Variants in KCTD7 observed in about 807,000 individuals in gnomAD.
KCTD7 encodes BTB/POZ domain-containing protein KCTD7.
KCTD7 carries 15 observed loss-of-function variants against 27.0 expected under a neutral mutation model. The observed-to-expected ratio is 0.56, with a 90% CI of 0.37 to 0.86. The LOEUF is 0.86. KCTD7 is among the 40% of genes least tolerant of loss of function. The pLI is 0.00. For missense variants in KCTD7, 299 were observed against 398.9 expected, an observed-to-expected ratio of 0.75 and a Z score of 2.13; for synonymous variants, 159 against 162.7, an observed-to-expected ratio of 0.98 and a Z score of 0.17.
At position 66,641,558 on chromosome 7, in the gene KCTD7, C is replaced by G. The variant is rs529429431; in HGVS notation, c.*2326C>G. ...GGGATGCTGGGTAAGAACACCGTTCCTCTCTCTCGCTGGAGAAATCCCTGT... is the reference window on the plus strand; with the variant it reads ...GGGATGCTGGGTAAGAACACCGTTCGTCTCTCTCGCTGGAGAAATCCCTGT... On this transcript the variant is annotated 3_prime_UTR_variant, in exon 4 of 4. Transcript: ENST00000639828. 2.0e-6 allele frequency: 2 copies of G among 985,422 alleles called. No individual in the cohort carries two copies. Among genetic ancestry groups the G allele is most frequent in the East Asian group, 2.3e-4 (2 of 8,812 alleles). 61.0% of individuals were successfully genotyped at this position (985,422 alleles called of 1,614,324 possible).
At chr7:66,635,877 C>T (rs1310380130) in intron 2 of KCTD7, among the ~76,000 whole-genome samples, 1 of 151,846 alleles carries the variant, frequency 6.6e-6, no homozygotes, top group Non-Finnish European at 1.5e-5. Flanking sequence ...CTTAGCTGGG[C>T]CTTGCCCCAG....
At chr7:66,638,139 T>C in intron 2 of KCTD7, 114 bp from the exon 3 acceptor site, 1 of 1,067,752 alleles carries the variant, frequency 9.4e-7, no homozygotes, top group Non-Finnish European at 1.5e-6. Context: ...TAAGTTCATT[T>C]ACCCAGTGTA....
At chr7:66,631,293 T>G (rs1175026904) in intron 1 of KCTD7, among the ~76,000 whole-genome samples, 3 of 152,110 alleles carry the variant, frequency 2.0e-5, no homozygotes, top group African/African-American at 7.2e-5. Context: ...GATGTAATAT[T>G]GAAAAGGATG....
rs368018261 is a variant in KCTD7 at position 66,633,311 on chromosome 7, C to T, written c.181C>T (p.His61Tyr). ...TGTTCCCCTTAACATCGGAGGGGCT[C>T]ACTTCACTACACGCCTGTCCACACT... is the stretch of plus-strand genomic sequence containing the variant. ...EVVPLNIGGA[H>Y]FTTRLSTLRC... Residue 61 changes from histidine to tyrosine, a missense_variant, in exon 2 of 4, where the codon CAC (histidine) becomes TAC (tyrosine). His to Tyr is a moderately conservative substitution (Grantham distance 83, BLOSUM62 2). Coordinates refer to ENST00000639828, the MANE Select transcript of KCTD7 (RefSeq NM_153033.5). 6.2e-6 allele frequency: 10 copies of T among 1,613,762 alleles called. No homozygotes were observed. Among genetic ancestry groups the T allele is most frequent in the Admixed American group, 1.7e-5 (1 of 59,980 alleles).
Position 66,642,357 on chromosome 7 carries a change from G to T in KCTD7, c.*3125G>T. On this transcript the variant is annotated 3_prime_UTR_variant, in exon 4 of 4. Coordinates refer to ENST00000639828, the MANE Select transcript of KCTD7 (RefSeq NM_153033.5). ...TCTGTTCTTCTTTCCTGGGGCTTAG[G>T]ATATTCTGGGAGCTGTCTGAGCCTT... is the stretch of plus-strand genomic sequence containing the variant. 1 of 985,416 alleles carries T rather than the reference G, an allele frequency of 1.0e-6. No homozygotes were observed. The highest frequency in any genetic ancestry group is 1.2e-6 in the Non-Finnish European group (1 of 829,940). 61.0% of individuals were successfully genotyped at this position (985,416 alleles called of 1,614,324 possible). A position where few individuals can be genotyped will look rare whatever the true frequency, so the allele number is the denominator to read the frequency against.
At chr7:66,636,904 G>A (rs1259007382) in intron 2 of KCTD7, among the ~76,000 whole-genome samples, 2 of 152,190 alleles carry the variant, frequency 1.3e-5, no homozygotes, top group African/African-American at 4.8e-5. Context: ...CATTTTACCT[G>A]CTCTGCATAG....
intron 3 of KCTD7, 142 bp from the exon 4 acceptor site, chr7:66,638,714 A>C: frequency 9.5e-7 from 1 of 1,049,328 alleles, no homozygotes; most frequent in Non-Finnish European, 1.4e-6. Flanking sequence ...TGTGCCCTTC[A>C]TTGGCCCCCT....
chr7:66,638,634 A>G, intron 3 of KCTD7: 1 of 772,302 alleles, frequency 1.3e-6, no homozygotes, highest in Non-Finnish European at 2.1e-6. Flanking sequence ...AGCAAATTGT[A>G]TTTCAGAAGG....
rs1293735992 is a variant in KCTD7 at position 66,641,860 on chromosome 7, T to G, written c.*2628T>G. ...AAGTGACTTTTCCCCATTTGATCCC[T>G]TTTCAACTCTAAATGGCCAGGCCCA... On this transcript the variant is annotated 3_prime_UTR_variant, in exon 4 of 4. Transcript: ENST00000639828. 1 of 985,354 alleles carries G rather than the reference T, an allele frequency of 1.0e-6. No individual in the cohort carries two copies. The highest frequency in any genetic ancestry group is 1.1e-4 in the East Asian group (1 of 8,824). 61.0% of individuals were successfully genotyped at this position (985,354 alleles called of 1,614,324 possible).
In KCTD7 at chr7:66,628,939, C is replaced by T. The variant is rs1440331025; in HGVS notation, c.-126C>T. On this transcript the variant is annotated 5_prime_UTR_variant, in exon 1 of 4. Transcript: ENST00000639828. ...CACCGCCCTCCCGCCTGCGCACTGC[C>T]TCTCGCCCCCCTCCGGCCAGCCCGC... 7.1e-6 allele frequency: 7 copies of T among 983,418 alleles called. No individual in the cohort carries two copies. The highest frequency in any genetic ancestry group is 4.1e-5 in the Admixed American group (1 of 24,208). The allele number at this position is 983,418 out of a possible 1,614,324, so 60.9% of individuals were successfully genotyped here. A position where few individuals can be genotyped will look rare whatever the true frequency, so the allele number is the denominator to read the frequency against.
rs1052412405 is a variant in KCTD7 at position 66,628,968 on chromosome 7, C to T, written c.-97C>T. ...CGCCCCCCTCCGGCCAGCCCGCAGCCGGCCGCGTCATGCCAGGCGCTGCTC... is the reference window on the plus strand; with the variant it reads ...CGCCCCCCTCCGGCCAGCCCGCAGCTGGCCGCGTCATGCCAGGCGCTGCTC... On this transcript the variant is annotated 5_prime_UTR_variant, in exon 1 of 4. Coordinates refer to ENST00000639828, the MANE Select transcript of KCTD7 (RefSeq NM_153033.5). 7.8e-6 allele frequency: 10 copies of T among 1,283,950 alleles called. No individual in the cohort carries two copies. In the Admixed American group the frequency reaches 2.5e-4, roughly 33 times the overall value. The allele number at this position is 1,283,950 out of a possible 1,614,324, so 79.5% of individuals were successfully genotyped here.
chr7:66,632,816 G>A (rs1487277181), intron 1 of KCTD7, among the ~76,000 whole-genome samples: 1 of 152,000 alleles, frequency 6.6e-6, no homozygotes, highest in African/African-American at 2.4e-5. Context: ...GGCCGAGGCA[G>A]GTGGATCATG....
rs1786713909 is a variant in KCTD7 at position 66,641,421 on chromosome 7, G to C, written c.*2189G>C. 1.0e-6 allele frequency: 1 copy of C among 985,288 alleles called. No individual in the cohort carries two copies. The highest frequency in any genetic ancestry group is 1.2e-6 in the Non-Finnish European group (1 of 829,940). 61.0% of individuals were successfully genotyped at this position (985,288 alleles called of 1,614,324 possible). A position where few individuals can be genotyped will look rare whatever the true frequency, so the allele number is the denominator to read the frequency against. ...TTCTGCTTCCCCCTTCTCCCATGGA[G>C]CATGGCAGGGCTTGGTTATTTAGAG... On this transcript the variant is annotated 3_prime_UTR_variant, in exon 4 of 4. Coordinates refer to ENST00000639828, the MANE Select transcript of KCTD7 (RefSeq NM_153033.5).
Position 66,640,342 on chromosome 7 carries a change from T to A in KCTD7, c.*1110T>A. 1 of 1,536,154 alleles carries A rather than the reference T, an allele frequency of 6.5e-7. No homozygotes were observed. Among genetic ancestry groups the A allele is most frequent in the Non-Finnish European group, 8.7e-7 (1 of 1,146,548 alleles). The stretch of plus-strand genomic sequence containing the variant: ...TTGTTTTACTCACTTCTTTATATTT[T>A]GTTTTACTCCTCACTCCTGTATATT... On this transcript the variant is annotated 3_prime_UTR_variant, in exon 4 of 4. Coordinates refer to ENST00000639828, the MANE Select transcript of KCTD7 (RefSeq NM_153033.5).
In KCTD7 at chr7:66,639,835, C is replaced by T; in HGVS notation, c.*603C>T. The T allele has an allele frequency of 1.6e-6, 2 of 1,248,480 alleles. No individual in the cohort carries two copies. The highest frequency in any genetic ancestry group is 7.7e-5 in the South Asian group (2 of 26,042). The allele number at this position is 1,248,480 out of a possible 1,614,324, so 77.3% of individuals were successfully genotyped here. ...TCCTTCCGGAACATGTTCTTCACCACCTTTTGGAGATTTAACCATAGCTGC... is the reference window on the plus strand; with the variant it reads ...TCCTTCCGGAACATGTTCTTCACCATCTTTTGGAGATTTAACCATAGCTGC... On this transcript the variant is annotated 3_prime_UTR_variant, in exon 4 of 4. Coordinates refer to ENST00000639828, the MANE Select transcript of KCTD7 (RefSeq NM_153033.5).
chr7:66,635,503 C>T (rs1255612310), intron 2 of KCTD7, among the ~76,000 whole-genome samples: 1 of 151,514 alleles, frequency 6.6e-6, no homozygotes, highest in Admixed American at 6.6e-5. Flanking sequence ...GGTGTGACCC[C>T]TAGCCATGTC....
intron 1 of KCTD7, among the ~76,000 whole-genome samples, chr7:66,632,505 A>AC (rs1786475287): frequency 6.6e-6 from 1 of 151,416 alleles, no homozygotes; most frequent in Admixed American, 6.6e-5. Flanking sequence ...AAAAAAAAAA[A>AC]GAAAAAGGGC....
At chr7:66,633,146 G>C (rs1786492836) in intron 1 of KCTD7, 129 bp from the exon 2 acceptor site, 3 of 884,724 alleles carry the variant, frequency 3.4e-6, no homozygotes, top group South Asian at 1.4e-5. Context: ...AAAGTGTTCA[G>C]ATGGACCCGT....
rs1009996181 is a variant in KCTD7, at chr7:66,642,458, A to G, written c.*3226A>G. ...TGGAGGAATAGGAAGTGACATTTATAAGACACAGGCGGTGTGAGCATCCAT... is the reference window on the plus strand; with the variant it reads ...TGGAGGAATAGGAAGTGACATTTATGAGACACAGGCGGTGTGAGCATCCAT... On this transcript the variant is annotated 3_prime_UTR_variant, in exon 4 of 4. Coordinates refer to ENST00000639828, the MANE Select transcript of KCTD7 (RefSeq NM_153033.5). 5.1e-6 allele frequency: 5 copies of G among 985,342 alleles called. No homozygotes were observed. In the African/African-American group the frequency reaches 7.0e-5, roughly 14 times the overall value. The allele number at this position is 985,342 out of a possible 1,614,324, so 61.0% of individuals were successfully genotyped here.
Sources: gnomAD v4.1 joint callset for allele counts (sites outside exome capture counted in the v4.1 genomes callset) on GRCh38, gnomAD v4.1.1 for gene constraint, MANE v1.5 for transcripts, NCBI Gene and HGNC (gene_info 2026-07-23, HGNC 2026-07-21) for gene names.